The following ASIC2 variants were observed in gnomAD, a reference collection of about 807,000 sequenced individuals.
ASIC2 encodes acid sensing ion channel subunit 2, also known as acid-sensing ion channel 2.
Under a neutral mutation model 57.3 loss-of-function variants are expected in ASIC2, and 25 were observed. That is an observed-to-expected ratio of 0.44 (90% CI 0.32 to 0.61). The LOEUF is 0.61. ASIC2 is among the 20% of genes least tolerant of loss of function. The pLI is 0.06. For synonymous variants in ASIC2, 319 were observed against 307.5 expected (o/e 1.04, Z -0.39); for missense variants, 641 against 738.1 (o/e 0.87, Z 1.52).
chr17:33,966,632 T>C (rs1334150661), intron 1 of ASIC2, among the ~76,000 whole-genome samples: 1 of 152,162 alleles, frequency 6.6e-6, no homozygotes, highest in Non-Finnish European at 1.5e-5. Flanking sequence ...ACTTTACCCT[T>C]TCATCAACAC....
chr17:33,575,483 C>T (rs1916589834), intron 1 of ASIC2, among the ~76,000 whole-genome samples: 2 of 152,212 alleles, frequency 1.3e-5, no homozygotes, highest in African/African-American at 4.8e-5. Flanking sequence ...CAATAGGTAA[C>T]TCTCCTTCTT....
chr17:33,556,935 C>A (rs1343308458), intron 1 of ASIC2, among the ~76,000 whole-genome samples: 2 of 152,186 alleles, frequency 1.3e-5, no homozygotes, highest in Non-Finnish European at 2.9e-5. Flanking sequence ...TAAGTGTAAG[C>A]ACAGGTGAGG....
chr17:33,161,687 G>C (rs948873244), intron 1 of ASIC2, among the ~76,000 whole-genome samples: 9 of 152,118 alleles, frequency 5.9e-5, no homozygotes, highest in Admixed American at 5.9e-4. Flanking sequence ...CACATAGTAT[G>C]TGTTCAACAA....
chr17:33,279,334 C>T (rs2142166694), intron 1 of ASIC2, among the ~76,000 whole-genome samples: 1 of 152,114 alleles, frequency 6.6e-6, no homozygotes, highest in African/African-American at 2.4e-5. Flanking sequence ...GCATCAGAGG[C>T]AGAGATGGTG....
intron 1 of ASIC2, among the ~76,000 whole-genome samples, chr17:33,391,721 T>C (rs1909897423): frequency 6.6e-6 from 1 of 152,352 alleles, no homozygotes; most frequent in South Asian, 2.1e-4. Context: ...GACATGTCAA[T>C]GTTAATCATA....
chr17:33,764,628 C>T (rs1910881640), intron 1 of ASIC2, among the ~76,000 whole-genome samples: 2 of 152,050 alleles, frequency 1.3e-5, no homozygotes, highest in Admixed American at 1.3e-4. Flanking sequence ...GTCTCTTTTC[C>T]TCTTCTTATA....
At chr17:33,791,701 T>A (rs1182775542) in intron 1 of ASIC2, 1 of 152,014 alleles carries the variant, frequency 6.6e-6, no homozygotes, top group Non-Finnish European at 1.5e-5. Context: ...TTCATGCAAA[T>A]AATGGTAATA....
intron 1 of ASIC2, among the ~76,000 whole-genome samples, chr17:33,643,149 C>A (rs550929964): frequency 9.2e-5 from 1 of 10,830 alleles, no homozygotes; most frequent in South Asian, 2.8e-3. Flanking sequence ...TGCTCATTTC[C>A]CCCCCCCCAC....
intron 6 of ASIC2, among the ~76,000 whole-genome samples, chr17:33,022,225 CT>C (rs1291429416): frequency 1.3e-5 from 2 of 152,184 alleles, no homozygotes; most frequent in Non-Finnish European, 2.9e-5. Context: ...TCCCATCTGC[CT>C]TTCCCCCGTC....
intron 1 of ASIC2, among the ~76,000 whole-genome samples, chr17:34,122,460 G>T (rs934609930): frequency 6.6e-6 from 1 of 152,210 alleles, no homozygotes; most frequent in Non-Finnish European, 1.5e-5. Context: ...GACCTCCCCA[G>T]TTCCACCTGC....
chr17:33,271,370 C>T (rs577418838), intron 1 of ASIC2, among the ~76,000 whole-genome samples: 11 of 152,192 alleles, frequency 7.2e-5, no homozygotes, highest in Non-Finnish European at 1.3e-4. Flanking sequence ...AATCTCCTGT[C>T]CTGACCTCCT....
chr17:34,121,787 C>T (rs1911627852), intron 1 of ASIC2, among the ~76,000 whole-genome samples: 1 of 152,236 alleles, frequency 6.6e-6, no homozygotes, highest in Non-Finnish European at 1.5e-5. Flanking sequence ...AATACTCCAA[C>T]ATCAAATGAT....
At chr17:33,947,470 G>A (rs545641883) in intron 1 of ASIC2, among the ~76,000 whole-genome samples, 116 of 152,312 alleles carry the variant, frequency 7.6e-4, no homozygotes, top group Admixed American at 2.5e-3. Flanking sequence ...CATAGAAGAG[G>A]AATTGAGGAT....
chr17:34,110,318 T>C (rs570822535), intron 1 of ASIC2, among the ~76,000 whole-genome samples: 3 of 152,320 alleles, frequency 2.0e-5, no homozygotes, highest in Non-Finnish European at 2.9e-5. Flanking sequence ...CAGATTAGGA[T>C]AGGGAGCCAG....
At chr17:33,592,977 A>T (rs1904869930) in intron 1 of ASIC2, among the ~76,000 whole-genome samples, 1 of 152,186 alleles carries the variant, frequency 6.6e-6, no homozygotes, top group African/African-American at 2.4e-5. Context: ...CTAGAGATTC[A>T]CGGGAGAGTT....
intron 1 of ASIC2, among the ~76,000 whole-genome samples, chr17:34,080,058 A>G (rs1250235332): frequency 1.3e-5 from 2 of 152,160 alleles, no homozygotes; most frequent in Non-Finnish European, 2.9e-5. Context: ...GCTAAAGTGG[A>G]CTCTATGAAT....
At chr17:34,019,539 C>G (rs1301426585) in intron 1 of ASIC2, among the ~76,000 whole-genome samples, 2 of 152,142 alleles carry the variant, frequency 1.3e-5, no homozygotes, top group African/African-American at 4.8e-5. Flanking sequence ...CCTCCACCAG[C>G]AAAAAGATTA....
At chr17:33,721,778 T>G (rs919152662) in intron 1 of ASIC2, among the ~76,000 whole-genome samples, 1 of 152,160 alleles carries the variant, frequency 6.6e-6, no homozygotes, top group Non-Finnish European at 1.5e-5. Context: ...GGGTAAGCCA[T>G]CCAGATATCT....
intron 1 of ASIC2, among the ~76,000 whole-genome samples, chr17:33,746,678 G>A (rs974227623): frequency 6.6e-6 from 1 of 151,852 alleles, no homozygotes; most frequent in South Asian, 2.1e-4. Flanking sequence ...CTCAAGGGAA[G>A]ATTAACAAAG....
Sources: gnomAD v4.1 joint callset for allele counts (sites outside exome capture counted in the v4.1 genomes callset) on GRCh38, gnomAD v4.1.1 for gene constraint, MANE v1.5 for transcripts, NCBI Gene and HGNC (gene_info 2026-07-23, HGNC 2026-07-21) for gene names.